Variants in DCSTAMP observed in about 807,000 individuals in gnomAD.
The protein encoded by DCSTAMP is dendrocyte expressed seven transmembrane protein, also known as dendritic cell-specific transmembrane protein.
In DCSTAMP, 25 loss-of-function variants were observed where a neutral mutation model predicts 33.8. The ratio of observed to expected loss-of-function variants is 0.74; its 90% CI spans 0.54 to 1.03. The LOEUF (loss-of-function observed/expected upper bound fraction) is 1.03, where lower values mean the gene tolerates loss of function less well. Ranked by LOEUF, DCSTAMP falls within the 50% of genes least tolerant of loss-of-function variation. The probability of loss-of-function intolerance (pLI) is 0.00; values close to 1 mark genes in which losing one functional copy is unlikely to be tolerated. For synonymous variants in DCSTAMP, 245 were observed against 216.7 expected (o/e 1.13, Z -1.15); for missense variants, 531 against 556.8 (o/e 0.95, Z 0.47).
At chr8:104,344,589 G>A (rs1280522806) in intron 1 of DCSTAMP, among the ~76,000 whole-genome samples, 1 of 152,098 alleles carries the variant, frequency 6.6e-6, no homozygotes, top group Admixed American at 6.6e-5. Flanking sequence ...ACTCTCAGGG[G>A]CCACCCTAAA....
At position 104,348,706 on chromosome 8, in the gene DCSTAMP, T is replaced by C; in HGVS notation, c.154T>C (p.Cys52Arg). 6.2e-7 allele frequency: 1 copy of C among 1,614,190 alleles called. No homozygotes were observed. Among genetic ancestry groups the C allele is most frequent in the Non-Finnish European group, 8.5e-7 (1 of 1,180,036 alleles). ...ISVGLLSVAA[C>R]WFLPSIIAAA... ...AGTGGGCCTCCTGTCTGTGGCCGCC[T>C]GCTGGTTTCTGCCATCAATCATAGC... The change falls in exon 2 of 4, where the codon TGC (cysteine) becomes CGC (arginine). Residue 52 changes from cysteine (C) to arginine (R), a missense_variant. Cys to Arg is a radical substitution (Grantham distance 180). Coordinates refer to ENST00000297581, the MANE Select transcript of DCSTAMP (RefSeq NM_030788.4).
At chr8:104,344,656 A>T (rs1474018956) in intron 1 of DCSTAMP, among the ~76,000 whole-genome samples, 1 of 152,194 alleles carries the variant, frequency 6.6e-6, no homozygotes, top group Non-Finnish European at 1.5e-5. Context: ...CACGTACTCA[A>T]GTCTAAGAAG....
At chr8:104,343,844 C>T (rs2099383405) in intron 1 of DCSTAMP, among the ~76,000 whole-genome samples, 1 of 152,224 alleles carries the variant, frequency 6.6e-6, no homozygotes, top group African/African-American at 2.4e-5. Flanking sequence ...GAGGGGTCCT[C>T]ACCAGAACCC....
chr8:104,348,726 C>A lies in DCSTAMP; in HGVS notation c.174C>A (p.Ile58=). 6.2e-7 allele frequency: 1 copy of A among 1,614,176 alleles called. No individual in the cohort carries two copies. Among genetic ancestry groups the A allele is most frequent in the Non-Finnish European group, 8.5e-7 (1 of 1,180,040 alleles). Residue 58 remains isoleucine (I), a synonymous_variant, in exon 2 of 4, where the codon ATC becomes ATA. Transcript: ENST00000297581. ...CCGCCTGCTGGTTTCTGCCATCAAT[C>A]ATAGCGGCCGCTGCCTCCTGGATTA... ...SVAACWFLPS[I]IAAAASWIIT...
In DCSTAMP at chr8:104,356,195, A is replaced by T; in HGVS notation, c.1410A>T (p.Ser470=). 6.2e-7 allele frequency: 1 copy of T among 1,611,780 alleles called. No homozygotes were observed. The highest frequency in any genetic ancestry group is 8.5e-7 in the Non-Finnish European group (1 of 1,179,004). ...KQMDMASADK[S] ...TGGACATGGCAAGTGCAGACAAGTC[A>T]TGAGAGACCCCGACTACTCCTCAGC... The change falls in exon 4 of 4, where the codon TCA becomes TCT. Residue 470 remains serine (S), a synonymous_variant. Coordinates refer to ENST00000297581, the MANE Select transcript of DCSTAMP (RefSeq NM_030788.4).
chr8:104,340,550 G>C (rs1023252794), intron 1 of DCSTAMP: 1 of 152,226 alleles, frequency 6.6e-6, no homozygotes, highest in Admixed American at 6.5e-5. Flanking sequence ...TTGATGTTCT[G>C]TCTCAGAAGT....
intron 1 of DCSTAMP, among the ~76,000 whole-genome samples, chr8:104,348,063 C>A (rs1484561628): frequency 2.0e-5 from 3 of 152,150 alleles, no homozygotes; most frequent in African/African-American, 7.2e-5. Context: ...CTGAAAGAGG[C>A]AAGGAATCAA....
In DCSTAMP at chr8:104,349,432, G is replaced by A. The variant is rs746778610; in HGVS notation, c.880G>A (p.Gly294Arg). 1.2e-5 allele frequency: 19 copies of A among 1,613,998 alleles called. No homozygotes were observed. In the Admixed American group the frequency reaches 1.5e-4, roughly 13 times the overall value. Residue 294 changes from glycine (G) to arginine (R), a missense_variant, in exon 2 of 4, where the codon GGG becomes AGG. Gly to Arg is a moderately radical substitution (Grantham distance 125, BLOSUM62 -2). Coordinates refer to ENST00000297581, the MANE Select transcript of DCSTAMP (RefSeq NM_030788.4). Reference sequence around the variant, plus strand: ...GACTCCTAAAGAAAGGAAAAACCTGGGGCTGTTTTTCCTCCCCATACTTAT... The same window carrying A: ...GACTCCTAAAGAAAGGAAAAACCTGAGGCTGTTTTTCCTCCCCATACTTAT... ...WPTPKERKNL[G>R]LFFLPILIHL...
intron 2 of DCSTAMP, among the ~76,000 whole-genome samples, chr8:104,352,041 C>T (rs1181896423): frequency 1.3e-5 from 2 of 152,008 alleles, no homozygotes; most frequent in African/African-American, 2.4e-5. Context: ...TCTGATTTGC[C>T]CTACTATTCC....
Position 104,349,445 on chromosome 8 carries a change from T to G in DCSTAMP, c.893T>G (p.Leu298Arg). ...KERKNLGLFF[L>R]PILIHLCIWV... ...AGGAAAAACCTGGGGCTGTTTTTCC[T>G]CCCCATACTTATCCATCTCTGCATC... The change falls in exon 2 of 4, where the codon CTC (leucine) becomes CGC (arginine). Residue 298 changes from leucine (L) to arginine (R), a missense_variant. Coordinates refer to ENST00000297581, the MANE Select transcript of DCSTAMP (RefSeq NM_030788.4). 1.9e-6 allele frequency: 3 copies of G among 1,614,164 alleles called. No homozygotes were observed. In the South Asian group the frequency reaches 3.3e-5, roughly 18 times the overall value.
chr8:104,346,761 T>C (rs1206985997), intron 1 of DCSTAMP, among the ~76,000 whole-genome samples: 1 of 152,254 alleles, frequency 6.6e-6, no homozygotes, highest in Non-Finnish European at 1.5e-5. Flanking sequence ...TACACATGTT[T>C]ATTCATAACC....
intron 1 of DCSTAMP, among the ~76,000 whole-genome samples, chr8:104,345,834 G>C (rs899537726): frequency 7.9e-5 from 12 of 152,244 alleles, no homozygotes; most frequent in Non-Finnish European, 1.8e-4. Context: ...TAGTTTGAGA[G>C]ATATCCTTAC....
intron 1 of DCSTAMP, among the ~76,000 whole-genome samples, chr8:104,341,793 G>A (rs944103134): frequency 6.6e-6 from 1 of 152,184 alleles, no homozygotes; most frequent in African/African-American, 2.4e-5. Context: ...GGGGCCCTTG[G>A]TGGTACTCTG....
rs749810024 is a variant in DCSTAMP at position 104,348,992 on chromosome 8, C to T, written c.440C>T (p.Ala147Val). ...CCACTTTTGAAAAAATATATTGAGG[C>T]AATTCAGTGGATTTATGGCCTTGCC... ...HFPLLKKYIE[A>V]IQWIYGLATP... is the part of the protein sequence containing the mutation. Residue 147 changes from alanine to valine, a missense_variant, in exon 2 of 4, where the codon GCA becomes GTA. Physicochemically the swap from Ala to Val is moderately conservative, Grantham distance 64 (BLOSUM62 0). Transcript: ENST00000297581. 1.2e-6 allele frequency: 2 copies of T among 1,614,172 alleles called. No individual in the cohort carries two copies. The highest frequency in any genetic ancestry group is 2.2e-5 in the South Asian group (2 of 91,082).
chr8:104,349,577 G>C lies in DCSTAMP; in HGVS notation c.1025G>C (p.Gly342Ala). The change falls in exon 2 of 4, where the codon GGA becomes GCA. Residue 342 changes from glycine to alanine, a missense_variant. By Grantham distance (60) the Gly-to-Ala change is moderately conservative. Transcript: ENST00000297581. ...TTTGAGGTTCACTTGAAACTGCACG[G>C]AGAGGTAGGGCCCACAGGTACTTCT... ...PGFEVHLKLH[G>A]EKQGTQDIIH... 6.2e-7 allele frequency: 1 copy of C among 1,609,490 alleles called. No homozygotes were observed. Among genetic ancestry groups the C allele is most frequent in the South Asian group, 1.1e-5 (1 of 89,966 alleles).
intron 2 of DCSTAMP, among the ~76,000 whole-genome samples, 159 bp downstream of exon 2, chr8:104,349,740 A>T (rs1389292449): frequency 6.6e-6 from 1 of 152,230 alleles, no homozygotes; most frequent in East Asian, 1.9e-4. Flanking sequence ...CAACAATTGC[A>T]GGTCAAATTG....
intron 2 of DCSTAMP, among the ~76,000 whole-genome samples, chr8:104,350,624 G>A (rs1002546851): frequency 6.6e-6 from 1 of 152,038 alleles, no homozygotes; most frequent in African/African-American, 2.4e-5. Flanking sequence ...TCCTGAGTTG[G>A]ACATAGAGTT....
chr8:104,355,858 A>C (rs1206048892), intron 3 of DCSTAMP, among the ~76,000 whole-genome samples: 1 of 152,222 alleles, frequency 6.6e-6, no homozygotes. Context: ...GGGAGGGGTC[A>C]GTTGTATGCT....
In DCSTAMP at chr8:104,356,293, T is replaced by C; in HGVS notation, c.*95T>C. 6 of 1,257,256 alleles carry C rather than the reference T, an allele frequency of 4.8e-6. No individual in the cohort carries two copies. Among genetic ancestry groups the C allele is most frequent in the South Asian group, 1.5e-5 (1 of 64,924 alleles). The allele number at this position is 1,257,256 out of a possible 1,614,324, so 77.9% of individuals were successfully genotyped here. ...TCATGCCGGATAATAGAGAACTATGTGACGCAGTCCTCTCAGGAGTCTGAG... is the reference window on the plus strand; with the variant it reads ...TCATGCCGGATAATAGAGAACTATGCGACGCAGTCCTCTCAGGAGTCTGAG... On this transcript the variant is annotated 3_prime_UTR_variant, in exon 4 of 4. Coordinates refer to ENST00000297581, the MANE Select transcript of DCSTAMP (RefSeq NM_030788.4).
Sources: allele counts gnomAD v4.1 joint callset (sites outside exome capture counted in the v4.1 genomes callset), GRCh38; gene constraint gnomAD v4.1.1; transcripts MANE v1.5; gene names NCBI Gene and HGNC (gene_info 2026-07-23, HGNC 2026-07-21).